TCF19: variants seen among roughly 807,000 people sequenced by gnomAD.
TCF19 encodes the protein transcription factor SC1.
Under a neutral mutation model 18.3 loss-of-function variants are expected in TCF19, and 9 were observed. The ratio of observed to expected loss-of-function variants is 0.49; its 90% CI spans 0.30 to 0.86. The LOEUF (loss-of-function observed/expected upper bound fraction) is 0.86, where lower values mean the gene tolerates loss of function less well. TCF19 is among the 40% of genes least tolerant of loss of function. TCF19 has a pLI of 0.07. For missense variants in TCF19, 376 were observed against 464.3 expected, an observed-to-expected ratio of 0.81 and a Z score of 1.75; for synonymous variants, 176 against 185.3, an observed-to-expected ratio of 0.95 and a Z score of 0.41.
At chr6:31,160,597 A>C (rs1449371881) in intron 2 of TCF19, among the ~76,000 whole-genome samples, 1 of 151,590 alleles carries the variant, frequency 6.6e-6, no homozygotes, top group Non-Finnish European at 1.5e-5. Context: ...GTGCTGAAAA[A>C]AAAATACAAA....
At position 31,163,455 on chromosome 6, in the gene TCF19, T is replaced by C; in HGVS notation, c.*738T>C. 2 of 985,474 alleles carry C rather than the reference T, an allele frequency of 2.0e-6. No homozygotes were observed. Among genetic ancestry groups the C allele is most frequent in the Non-Finnish European group, 2.4e-6 (2 of 829,950 alleles). The allele number at this position is 985,474 out of a possible 1,614,324, so 61.0% of individuals were successfully genotyped here. On this transcript the variant is annotated 3_prime_UTR_variant, in exon 4 of 4. Transcript: ENST00000376257. ...CTAGTTTAAGGGAAAACAGATCTAT[T>C]GCCATTTAAATAAGGTAACTGGGAT...
Position 31,162,463 on chromosome 6 carries a change from G to A in TCF19, c.798-14G>A. On this transcript the variant is annotated splice_polypyrimidine_tract_variant and intron_variant, in intron 3 of 3. Transcript: ENST00000376257. The surrounding 1 kb of genome is among the most constrained non-coding windows in gnomAD (Gnocchi z 4.5). ...GGTTTCCGGTGACCCTTGTGTCTGT[G>A]TCACTTCCTTCAGAAATCGACGTGG... is the stretch of plus-strand genomic sequence containing the variant. 1 of 1,596,874 alleles carries A rather than the reference G, an allele frequency of 6.3e-7. No homozygotes were observed. Among genetic ancestry groups the A allele is most frequent in the South Asian group, 1.1e-5 (1 of 88,320 alleles).
rs867030771 is a variant in TCF19, at chr6:31,163,062, G to T, written c.*345G>T. On this transcript the variant is annotated 3_prime_UTR_variant, in exon 4 of 4. Coordinates refer to ENST00000376257, the MANE Select transcript of TCF19 (RefSeq NM_007109.3). ...GCCATGCCTGCAACCGATGGAAAAT[G>T]TAAGAGGGAGTTCTTAAGGTTCTTG... The T allele has an allele frequency of 8.8e-7, 1 of 1,142,440 alleles. No homozygotes were observed. 70.8% of individuals were successfully genotyped at this position (1,142,440 alleles called of 1,614,324 possible). A position where few individuals can be genotyped will look rare whatever the true frequency, so the allele number is the denominator to read the frequency against.
In TCF19 at chr6:31,162,572, G is replaced by A; in HGVS notation, c.893G>A (p.Cys298Tyr). Residue 298 changes from cysteine to tyrosine, a missense_variant, in exon 4 of 4, where the codon TGC (cysteine) becomes TAC (tyrosine). Cys to Tyr is a radical substitution (Grantham distance 194, BLOSUM62 -2). Coordinates refer to ENST00000376257, the MANE Select transcript of TCF19 (RefSeq NM_007109.3). This position sits in a 1 kb window ranked among gnomAD's most constrained non-coding sequence, Gnocchi z 4.5. ...GGEPCAAPCC[C>Y]LPQEETVAWV... ...GAGCCCTGTGCAGCTCCTTGTTGCT[G>A]CCTGCCCCAGGAAGAGACAGTGGCC... is the stretch of plus-strand genomic sequence containing the variant. The A allele has an allele frequency of 6.2e-7, 1 of 1,612,960 alleles. No homozygotes were observed. The highest frequency in any genetic ancestry group is 2.2e-5 in the East Asian group (1 of 44,870).
chr6:31,162,481 CG>C lies in TCF19; in HGVS notation c.803del (p.Arg268HisfsTer10). ...TGTCTGTGTCACTTCCTTCAGAAAT[CG>C]ACGTGGCCGTCCTCGGAAGTACCCA... is the stretch of plus-strand genomic sequence containing the variant. The part of the protein sequence containing the change: ...DKAPLTPTGN[R>X]RGRPRKYPVS... On this transcript the variant is annotated frameshift_variant, in exon 4 of 4. Coordinates refer to ENST00000376257, the MANE Select transcript of TCF19 (RefSeq NM_007109.3). LOFTEE classifies it low-confidence loss of function (END_TRUNC). The surrounding 1 kb of genome is among the most constrained non-coding windows in gnomAD (Gnocchi z 4.5). 6.2e-7 allele frequency: 1 copy of C among 1,606,292 alleles called. No homozygotes were observed. The highest frequency in any genetic ancestry group is 8.5e-7 in the Non-Finnish European group (1 of 1,176,280).
Position 31,163,214 on chromosome 6 carries a change from A to C in TCF19, c.*497A>C, listed in dbSNP as rs1248961516. ...TTTTCACAGCTTTGCTTTTATTTCC[A>C]AGTCAAGGACAAGCCGCTTCATTCA... On this transcript the variant is annotated 3_prime_UTR_variant, in exon 4 of 4. Coordinates refer to ENST00000376257, the MANE Select transcript of TCF19 (RefSeq NM_007109.3). 46 of 995,056 alleles carry C rather than the reference A, an allele frequency of 4.6e-5. No individual in the cohort carries two copies. The highest frequency in any genetic ancestry group is 5.4e-5 in the Non-Finnish European group (45 of 835,410). 61.6% of individuals were successfully genotyped at this position (995,056 alleles called of 1,614,324 possible). A position where few individuals can be genotyped will look rare whatever the true frequency, so the allele number is the denominator to read the frequency against.
Position 31,162,413 on chromosome 6 carries a change from G to A in TCF19, c.798-64G>A. On this transcript the variant is annotated intron_variant, in intron 3 of 3. Transcript: ENST00000376257. This position sits in a 1 kb window ranked among gnomAD's most constrained non-coding sequence, Gnocchi z 4.5. ...CTCACCCTATGACCAGCCATAGGGT[G>A]GCAAGGTCTAGGCCTTCTCCTACAG... 1 of 1,543,296 alleles carries A rather than the reference G, an allele frequency of 6.5e-7. No individual in the cohort carries two copies. The highest frequency in any genetic ancestry group is 8.7e-7 in the Non-Finnish European group (1 of 1,145,446).
chr6:31,161,186 A>T (rs375619770), intron 2 of TCF19, among the ~76,000 whole-genome samples: 1 of 147,106 alleles, frequency 6.8e-6, no homozygotes, highest in Non-Finnish European at 1.5e-5. Context: ...AGAAAAAAAA[A>T]GAAGAAAGAA....
chr6:31,161,984 A>G lies in TCF19; in HGVS notation c.776A>G (p.Lys259Arg). 1 of 1,610,598 alleles carries G rather than the reference A, an allele frequency of 6.2e-7. No homozygotes were observed. The highest frequency in any genetic ancestry group is 8.5e-7 in the Non-Finnish European group (1 of 1,178,488). ...MEPRKKLRVD[K>R]APLTPTGNRR... ...CCCAGGAAGAAACTCCGTGTAGACAAAGCCCCACTGACTCCCACTGGGTAA... is the reference window on the plus strand; with the variant it reads ...CCCAGGAAGAAACTCCGTGTAGACAGAGCCCCACTGACTCCCACTGGGTAA... The change falls in exon 3 of 4, where the codon AAA (lysine) becomes AGA (arginine). Residue 259 changes from lysine (K) to arginine (R), a missense_variant. Physicochemically the swap from Lys to Arg is conservative, Grantham distance 26. Coordinates refer to ENST00000376257, the MANE Select transcript of TCF19 (RefSeq NM_007109.3).
chr6:31,162,273 G>A lies in TCF19; in HGVS notation c.798-204G>A, dbSNP rs1776836047. Among the ~76,000 whole-genome samples the A allele has an allele frequency of 6.6e-6, 1 of 152,164 alleles. No individual in the cohort carries two copies. The highest frequency in any genetic ancestry group is 2.1e-4 in the South Asian group (1 of 4,826). ...ATGGCTTTAACCCCATTCTTCTAGTGCCTAAGGATGGGGAACTTTCAGGCT... is the reference window on the plus strand; with the variant it reads ...ATGGCTTTAACCCCATTCTTCTAGTACCTAAGGATGGGGAACTTTCAGGCT... On this transcript the variant is annotated intron_variant, in intron 3 of 3. Transcript: ENST00000376257. The surrounding 1 kb of genome is among the most constrained non-coding windows in gnomAD (Gnocchi z 4.5).
intron 2 of TCF19, among the ~76,000 whole-genome samples, 153 bp downstream of exon 2, chr6:31,159,860 T>G (rs1455062772): frequency 6.6e-6 from 1 of 152,218 alleles, no homozygotes; most frequent in Non-Finnish European, 1.5e-5. Flanking sequence ...CCACCAGAAG[T>G]GTGCACAGTC....
At position 31,161,839 on chromosome 6, in the gene TCF19, A is replaced by G. The variant is rs2073721; in HGVS notation, c.631A>G (p.Met211Val). Reference sequence around the variant, plus strand: ...GCCTGTTCCCGCCCCACCTGGGGAAATGGGGACCACGCCTTCTGCTCCACC... The same window carrying G: ...GCCTGTTCCCGCCCCACCTGGGGAAGTGGGGACCACGCCTTCTGCTCCACC... ...SLPVPAPPGE[M>V]GTTPSAPPQR... Residue 211 changes from methionine to valine, a missense_variant, in exon 3 of 4, where the codon ATG (methionine) becomes GTG (valine). By Grantham distance (21) the Met-to-Val change is conservative. Transcript: ENST00000376257. 1,211,799 of 1,611,980 alleles carry G rather than the reference A, an allele frequency of 0.75. 457,232 individuals are homozygous for G. Among genetic ancestry groups the G allele is most frequent in the African/African-American group, 0.85 (63,705 of 75,030 alleles).
rs368395629 is a variant in TCF19, at chr6:31,163,821, C to T, written c.*1104C>T. On this transcript the variant is annotated 3_prime_UTR_variant, in exon 4 of 4. Coordinates refer to ENST00000376257, the MANE Select transcript of TCF19 (RefSeq NM_007109.3). ...CCCTTTCCTACCTAGATTTAATGAG[C>T]CCAAGTTTTTAAAATGGAAGAAATG... 4.3e-3 allele frequency: 3,890 copies of T among 894,306 alleles called. 19 individuals carry two copies. The highest frequency in any genetic ancestry group is 0.04 in the African/African-American group (1,159 of 28,720). 55.4% of individuals were successfully genotyped at this position (894,306 alleles called of 1,614,324 possible).
chr6:31,163,604 C>T lies in TCF19; in HGVS notation c.*887C>T. ...CAGTGTGATGGCTGTGACACAGCTC[C>T]ACTCCACGGGTGGACACAGCAGAGG... On this transcript the variant is annotated 3_prime_UTR_variant, in exon 4 of 4. Transcript: ENST00000376257. 3 of 985,476 alleles carry T rather than the reference C, an allele frequency of 3.0e-6. No individual in the cohort carries two copies. Among genetic ancestry groups the T allele is most frequent in the Non-Finnish European group, 3.6e-6 (3 of 829,968 alleles). The allele number at this position is 985,476 out of a possible 1,614,324, so 61.0% of individuals were successfully genotyped here.
Position 31,163,605 on chromosome 6 carries a change from A to C in TCF19, c.*888A>C. The stretch of plus-strand genomic sequence containing the variant: ...AGTGTGATGGCTGTGACACAGCTCC[A>C]CTCCACGGGTGGACACAGCAGAGGG... On this transcript the variant is annotated 3_prime_UTR_variant, in exon 4 of 4. Coordinates refer to ENST00000376257, the MANE Select transcript of TCF19 (RefSeq NM_007109.3). 1.0e-6 allele frequency: 1 copy of C among 985,368 alleles called. No homozygotes were observed. Among genetic ancestry groups the C allele is most frequent in the Non-Finnish European group, 1.2e-6 (1 of 829,952 alleles). 61.0% of individuals were successfully genotyped at this position (985,368 alleles called of 1,614,324 possible).
rs967740254 is a variant in TCF19, at chr6:31,164,118, A to G, written c.*1401A>G. The G allele has an allele frequency of 4.5e-5, 48 of 1,063,178 alleles. No homozygotes were observed. The highest frequency in any genetic ancestry group is 4.9e-5 in the Non-Finnish European group (43 of 876,732). The allele number at this position is 1,063,178 out of a possible 1,614,324, so 65.9% of individuals were successfully genotyped here. A position where few individuals can be genotyped will look rare whatever the true frequency, so the allele number is the denominator to read the frequency against. Reference sequence around the variant, plus strand: ...CCAGCTCTGAACAGGTAACAGCTACATGGTGACTGAGTCTATGGGCAAAAG... The same window carrying G: ...CCAGCTCTGAACAGGTAACAGCTACGTGGTGACTGAGTCTATGGGCAAAAG... On this transcript the variant is annotated 3_prime_UTR_variant, in exon 4 of 4. Coordinates refer to ENST00000376257, the MANE Select transcript of TCF19 (RefSeq NM_007109.3).
Sources: gnomAD v4.1 joint callset for allele counts (sites outside exome capture counted in the v4.1 genomes callset) on GRCh38, gnomAD v4.1.1 for gene constraint, Gnocchi (gnomAD v3.1) non-coding constraint, MANE v1.5 for transcripts, NCBI Gene and HGNC (gene_info 2026-07-23, HGNC 2026-07-21) for gene names.